The following ITGA8 variants were observed in gnomAD, a reference collection of about 807,000 sequenced individuals.
ITGA8 encodes the protein integrin alpha-8.
A neutral mutation model predicts 142.3 loss-of-function variants in ITGA8; 91 were observed. The ratio of observed to expected loss-of-function variants is 0.64; its 90% confidence interval spans 0.54 to 0.76. ITGA8 has a LOEUF of 0.76. Among genes scored for constraint, ITGA8 ranks in the 30% least tolerant of loss-of-function variants. The pLI, the probability that ITGA8 is intolerant of heterozygous loss-of-function variation, is 0.00. For synonymous variants in ITGA8, 505 were observed against 485.2 expected (o/e 1.04, Z -0.54); for missense variants, 1,406 against 1,327.7 (o/e 1.06, Z -0.92).
intron 3 of ITGA8, among the ~76,000 whole-genome samples, chr10:15,686,543 T>C (rs1359849342): frequency 1.3e-5 from 2 of 152,334 alleles, no homozygotes; most frequent in Admixed American, 6.5e-5. Context: ...CAGTTTCACA[T>C]TGATGTGAAA....
intron 26 of ITGA8, among the ~76,000 whole-genome samples, chr10:15,554,798 C>A (rs1486047086): frequency 6.6e-6 from 1 of 151,452 alleles, no homozygotes; most frequent in Admixed American, 6.6e-5. Context: ...GTTCCACAGG[C>A]TGTACAGGAA....
chr10:15,660,948 A>AG, intron 8 of ITGA8, 26 bp from the exon 9 acceptor site: 1 of 1,603,972 alleles, frequency 6.2e-7, no homozygotes, highest in African/African-American at 1.3e-5. Flanking sequence ...GCCATTTAGA[A>AG]GGGGAATTAC....
intron 27 of ITGA8, among the ~76,000 whole-genome samples, chr10:15,535,689 C>T (rs1209792880): frequency 2.0e-5 from 3 of 152,160 alleles, no homozygotes; most frequent in Non-Finnish European, 4.4e-5. Context: ...TCAAAACAGA[C>T]CACTGGGCTC....
chr10:15,577,063 A>C lies in ITGA8; in HGVS notation c.2373-1469T>G, dbSNP rs1306044816. 4.6e-5 allele frequency among the ~76,000 whole-genome samples: 7 copies of C among 152,296 alleles called. No homozygotes were observed. In the South Asian group the frequency reaches 1.4e-3, roughly 32 times the overall value. On this transcript the variant is annotated intron_variant, in intron 23 of 29. Transcript: ENST00000378076. ...CCAGTCTTGACAGTCTCCAAACCCA[A>C]AGCTGGCGTTTGCTTTCAGCTTGGC...
chr10:15,579,728 G>A (rs1476764978), intron 23 of ITGA8, among the ~76,000 whole-genome samples: 3 of 151,810 alleles, frequency 2.0e-5, no homozygotes, highest in African/African-American at 4.8e-5. Context: ...ATAAAACATC[G>A]AGATTAGCTC....
intron 12 of ITGA8, among the ~76,000 whole-genome samples, chr10:15,646,096 C>G (rs371813568): frequency 5.3e-5 from 8 of 152,134 alleles, no homozygotes; most frequent in Admixed American, 2.6e-4. Context: ...TCACCAAATC[C>G]AAACATCAAT....
intron 25 of ITGA8, among the ~76,000 whole-genome samples, chr10:15,559,354 C>T (rs931504581): frequency 1.3e-5 from 2 of 152,214 alleles, no homozygotes; most frequent in Non-Finnish European, 2.9e-5. Context: ...GTCTGGGGCC[C>T]ATCTGTGCCT....
intron 10 of ITGA8, among the ~76,000 whole-genome samples, chr10:15,656,332 A>G (rs886477595): frequency 1.3e-5 from 2 of 152,096 alleles, no homozygotes; most frequent in African/African-American, 2.4e-5. Flanking sequence ...GAGTGTACAC[A>G]GTGTACCATA....
chr10:15,587,082 C>T (rs1353440811), intron 22 of ITGA8, among the ~76,000 whole-genome samples: 1 of 152,066 alleles, frequency 6.6e-6, no homozygotes, highest in South Asian at 2.1e-4. Context: ...GCCACCACAC[C>T]CAGCTAATTT....
chr10:15,647,172 T>A, intron 11 of ITGA8, 121 bp from the exon 12 acceptor site: 1 of 716,094 alleles, frequency 1.4e-6, no homozygotes. Flanking sequence ...AGGGTTATTT[T>A]ACAATCATCA....
chr10:15,672,899 G>T, intron 6 of ITGA8, 150 bp from the exon 7 acceptor site: 1 of 751,384 alleles, frequency 1.3e-6, no homozygotes, highest in Non-Finnish European at 2.0e-6. Context: ...CCAAGGCAGA[G>T]TTAGTTACAG....
At chr10:15,530,764 T>C (rs1305406755) in intron 28 of ITGA8, among the ~76,000 whole-genome samples, 1 of 152,192 alleles carries the variant, frequency 6.6e-6, no homozygotes, top group East Asian at 1.9e-4. Flanking sequence ...ACGATTTCAT[T>C]GTAATGATAA....
At position 15,587,201 on chromosome 10, in the gene ITGA8, G is replaced by A. The variant is rs563683433; in HGVS notation, c.2292-537C>T. Among the ~76,000 whole-genome samples, 7 of 152,244 alleles carry A rather than the reference G, an allele frequency of 4.6e-5. No homozygotes were observed. In the South Asian group the frequency reaches 6.2e-4, roughly 14 times the overall value. On this transcript the variant is annotated intron_variant, in intron 22 of 29. Transcript: ENST00000378076. ...CTCCCAAAGTGCTGGGATTACAGGC[G>A]TGAGCCACCCCGCCCAGCCAAAACT... is the stretch of plus-strand genomic sequence containing the variant.
At chr10:15,610,403 G>A (rs1367963613) in intron 15 of ITGA8, among the ~76,000 whole-genome samples, 1 of 151,978 alleles carries the variant, frequency 6.6e-6, no homozygotes, top group African/African-American at 2.4e-5. Context: ...GGGTCATTAG[G>A]GAAAGCTGTA....
intron 25 of ITGA8, among the ~76,000 whole-genome samples, chr10:15,566,417 G>C (rs114551789): frequency 0.019 from 2,913 of 152,238 alleles, 90 homozygotes; most frequent in African/African-American, 0.067. Context: ...TTATATGTGG[G>C]CATCTTATCG....
rs148174192 is a variant in ITGA8, at chr10:15,607,713, T to C, written c.1728A>G (p.Lys576=). 152 of 1,613,938 alleles carry C rather than the reference T, an allele frequency of 9.4e-5. No individual in the cohort carries two copies. In the African/African-American group the frequency reaches 1.8e-3, roughly 19 times the overall value. The part of the protein sequence containing the change: ...RVFPLVIKRQ[K]SHQCQDFIVY... ...CGATGAAATCCTGGCACTGGTGGGA[T>C]TTCTGCCTTTTTATCACAAGAGGGA... The change falls in exon 17 of 30, where the codon AAA becomes AAG. Residue 576 remains lysine (K), a synonymous_variant. Transcript: ENST00000378076.
chr10:15,575,385 G>T, intron 24 of ITGA8, 104 bp downstream of exon 24: 1 of 849,414 alleles, frequency 1.2e-6, no homozygotes, highest in Non-Finnish European at 2.0e-6. Context: ...GCGAGATCCT[G>T]TCTCAATAAT....
chr10:15,673,676 C>T (rs1213645135), intron 6 of ITGA8, among the ~76,000 whole-genome samples: 1 of 152,164 alleles, frequency 6.6e-6, no homozygotes, highest in Non-Finnish European at 1.5e-5. Context: ...GAATTGTAAA[C>T]TCTTTGAGCC....
intron 2 of ITGA8, among the ~76,000 whole-genome samples, chr10:15,716,233 C>A (rs1344030591): frequency 6.6e-6 from 1 of 152,100 alleles, no homozygotes; most frequent in Non-Finnish European, 1.5e-5. Flanking sequence ...CACTTTGTTC[C>A]ATTTGTGAAT....
Sources: allele counts gnomAD v4.1 joint callset (sites outside exome capture counted in the v4.1 genomes callset), GRCh38; gene constraint gnomAD v4.1.1; transcripts MANE v1.5; gene names NCBI Gene and HGNC (gene_info 2026-07-23, HGNC 2026-07-21).